Variants in DENND5A observed in about 807,000 individuals in gnomAD.
DENND5A encodes DENN domain-containing protein 5A.
Under a neutral mutation model 140.3 loss-of-function variants are expected in DENND5A, and 64 were observed. The ratio of observed to expected loss-of-function variants is 0.46; its 90% CI spans 0.37 to 0.56. DENND5A has a LOEUF of 0.56. Ranked by LOEUF, DENND5A falls within the 20% of genes least tolerant of loss-of-function variation. The pLI, the probability that DENND5A is intolerant of heterozygous loss-of-function variation, is 0.00. For synonymous variants in DENND5A, 605 were observed against 607.7 expected, an observed-to-expected ratio of 1.00 and a Z score of 0.07; for missense variants, 1,292 against 1,593.8, an observed-to-expected ratio of 0.81 and a Z score of 3.22.
intron 5 of DENND5A, among the ~76,000 whole-genome samples, chr11:9,183,665 C>G (rs1424293036): frequency 1.3e-5 from 2 of 152,036 alleles, no homozygotes; most frequent in Non-Finnish European, 2.9e-5. Flanking sequence ...CCTCAGCCTC[C>G]CAAAATACTG....
intron 3 of DENND5A, among the ~76,000 whole-genome samples, chr11:9,206,216 T>C (rs1192058745): frequency 1.3e-5 from 2 of 152,194 alleles, no homozygotes; most frequent in African/African-American, 4.8e-5. Flanking sequence ...CCACATGAGA[T>C]TTTTAAATGC....
chr11:9,258,489 A>G (rs1445170750), intron 1 of DENND5A, among the ~76,000 whole-genome samples: 1 of 152,134 alleles, frequency 6.6e-6, no homozygotes, highest in East Asian at 1.9e-4. Flanking sequence ...GTATTCCATG[A>G]TGTGTATGTG....
intron 1 of DENND5A, among the ~76,000 whole-genome samples, chr11:9,213,646 A>C (rs1188821538): frequency 6.6e-6 from 1 of 151,376 alleles, no homozygotes; most frequent in Non-Finnish European, 1.5e-5. Flanking sequence ...CATCTCTACT[A>C]AAACACAAAA....
intron 5 of DENND5A, among the ~76,000 whole-genome samples, chr11:9,185,154 G>A (rs1236142754): frequency 7.9e-5 from 12 of 152,138 alleles, no homozygotes; most frequent in Non-Finnish European, 1.3e-4. Flanking sequence ...TTGCGCCACT[G>A]CACTCCAGCC....
intron 1 of DENND5A, among the ~76,000 whole-genome samples, chr11:9,244,925 C>T (rs1301043922): frequency 6.6e-6 from 1 of 151,922 alleles, no homozygotes; most frequent in African/African-American, 2.4e-5. Flanking sequence ...GATCCACCCT[C>T]CTTGGCCTCC....
chr11:9,227,674 T>C (rs1850586995), intron 1 of DENND5A, among the ~76,000 whole-genome samples: 1 of 152,020 alleles, frequency 6.6e-6, no homozygotes, highest in African/African-American at 2.4e-5. Flanking sequence ...AAATGCATAT[T>C]TGGGCCAGGT....
At chr11:9,176,697 G>T in intron 8 of DENND5A, 1 of 304,362 alleles carries the variant, frequency 3.3e-6, no homozygotes, top group Non-Finnish European at 6.5e-6. Context: ...CTCAGTCTGG[G>T]GGCATCAGAG....
Position 9,203,756 on chromosome 11 carries a change from G to C in DENND5A, c.853C>G (p.Pro285Ala), listed in dbSNP as rs762043747. 6.2e-7 allele frequency: 1 copy of C among 1,614,188 alleles called. No individual in the cohort carries two copies. Among genetic ancestry groups the C allele is most frequent in the Non-Finnish European group, 8.5e-7 (1 of 1,180,034 alleles). The change falls in exon 4 of 23, where the codon CCT (proline) becomes GCT (alanine). Residue 285 changes from proline (P) to alanine (A), a missense_variant. By Grantham distance (27) the Pro-to-Ala change is conservative. Transcript: ENST00000328194. Reference sequence around the variant, plus strand: ...AGCAGTTCAAAAACCTCTTTGACAGGAAAGTCAAATAGGGGAAGCTCATTG... The same window carrying C: ...AGCAGTTCAAAAACCTCTTTGACAGCAAAGTCAAATAGGGGAAGCTCATTG... ...STNELPLFDF[P>A]VKEVFELLGV...
chr11:9,166,173 G>A (rs536102287), intron 10 of DENND5A, among the ~76,000 whole-genome samples: 1 of 151,414 alleles, frequency 6.6e-6, no homozygotes, highest in South Asian at 2.1e-4. Flanking sequence ...CCACCTCCCA[G>A]GCTCAGGCAA....
At chr11:9,177,958 A>G (rs1564898365) in intron 8 of DENND5A, 174 bp downstream of exon 8, 2 of 634,404 alleles carry the variant, frequency 3.2e-6, no homozygotes, top group Non-Finnish European at 2.8e-6. Flanking sequence ...TAACAGTGTT[A>G]AAGGATGAGA....
At chr11:9,145,545 G>T in intron 17 of DENND5A, 125 bp downstream of exon 17, 1 of 1,049,074 alleles carries the variant, frequency 9.5e-7, no homozygotes, top group Non-Finnish European at 1.4e-6. Flanking sequence ...ATCTCAGGAA[G>T]GTCAGCTATG....
chr11:9,261,944 T>A (rs1421038361), intron 1 of DENND5A, among the ~76,000 whole-genome samples: 15 of 152,030 alleles, frequency 9.9e-5, no homozygotes, highest in East Asian at 1.9e-4. Flanking sequence ...ACCACATTTT[T>A]AAAAAAACAG....
chr11:9,185,862 T>C (rs934236194), intron 5 of DENND5A, among the ~76,000 whole-genome samples: 1 of 152,052 alleles, frequency 6.6e-6, no homozygotes, highest in Non-Finnish European at 1.5e-5. Flanking sequence ...GTCTGTGTTG[T>C]CTGTGTGTGT....
intron 1 of DENND5A, among the ~76,000 whole-genome samples, chr11:9,228,128 A>AAAAC (rs1554930494): frequency 1.7e-4 from 26 of 150,602 alleles, no homozygotes; most frequent in Non-Finnish European, 2.7e-4. Context: ...AAAAAAAAAA[A>AAAAC]AAAACTTACA....
intron 1 of DENND5A, among the ~76,000 whole-genome samples, chr11:9,247,835 T>G (rs6486231): frequency 0.63 from 95,097 of 152,060 alleles, 30,403 homozygotes; most frequent in African/African-American, 0.74. Flanking sequence ...CTCTACAGAC[T>G]CAAATTTCCC....
intron 1 of DENND5A, among the ~76,000 whole-genome samples, chr11:9,223,658 A>G (rs1480556079): frequency 6.6e-6 from 1 of 151,984 alleles, no homozygotes; most frequent in Non-Finnish European, 1.5e-5. Flanking sequence ...GACTGAGGCT[A>G]CGGTGAGCTA....
intron 1 of DENND5A, among the ~76,000 whole-genome samples, chr11:9,231,929 G>C (rs549009889): frequency 6.6e-6 from 1 of 151,876 alleles, no homozygotes; most frequent in South Asian, 2.1e-4. Context: ...TAAAAGCACT[G>C]TATTGGTCAT....
chr11:9,248,172 G>A (rs75615946), intron 1 of DENND5A, among the ~76,000 whole-genome samples: 6 of 151,972 alleles, frequency 3.9e-5, no homozygotes, highest in Admixed American at 6.6e-5. Flanking sequence ...TTGTAAAGAC[G>A]GGGTTTCACC....
intron 1 of DENND5A, among the ~76,000 whole-genome samples, chr11:9,261,498 C>T (rs1032265315): frequency 6.6e-6 from 1 of 152,146 alleles, no homozygotes; most frequent in Non-Finnish European, 1.5e-5. Context: ...AAGATTCCCT[C>T]TGGGAGTGGT....
Sources: allele counts gnomAD v4.1 joint callset (sites outside exome capture counted in the v4.1 genomes callset), GRCh38; gene constraint gnomAD v4.1.1; transcripts MANE v1.5; gene names NCBI Gene and HGNC (gene_info 2026-07-23, HGNC 2026-07-21).